Variants in RANBP2 observed in about 807,000 individuals in gnomAD.
The protein encoded by RANBP2 is E3 SUMO-protein ligase RanBP2.
Under a neutral mutation model 303.6 loss-of-function variants are expected in RANBP2, and 57 were observed. That is an observed-to-expected ratio of 0.19 (90% confidence interval 0.15 to 0.23). RANBP2 has a LOEUF of 0.23. Ranked by LOEUF, RANBP2 falls within the 10% of genes least tolerant of loss-of-function variation. The pLI is 1.00. For synonymous variants in RANBP2, 1,167 were observed against 1,301.5 expected (o/e 0.90, Z 2.23); for missense variants, 3,138 against 3,780.8 (o/e 0.83, Z 4.46).
chr2:109,609,282 T>C, the RANBP2 span, among the ~76,000 whole-genome samples: 1 of 151,986 alleles, frequency 6.6e-6, no homozygotes, highest in Admixed American at 6.6e-5. Flanking sequence ...ACTTTCCATA[T>C]AAAAAAATAA....
the RANBP2 span, among the ~76,000 whole-genome samples, chr2:109,598,288 G>A: frequency 4.6e-5 from 7 of 151,774 alleles, no homozygotes; most frequent in Non-Finnish European, 4.4e-5. Flanking sequence ...GGCTAGTCTC[G>A]AACTCCCAAC....
chr2:109,343,936 G>C, the RANBP2 span, among the ~76,000 whole-genome samples: 1 of 152,012 alleles, frequency 6.6e-6, no homozygotes, highest in Non-Finnish European at 1.5e-5. Flanking sequence ...TAGAGATAGG[G>C]TCTCAGCGTG....
At chr2:109,312,897 G>A in the RANBP2 span, among the ~76,000 whole-genome samples, 4 of 152,188 alleles carry the variant, frequency 2.6e-5, no homozygotes, top group Non-Finnish European at 5.9e-5. Flanking sequence ...GAATGGACTT[G>A]CTGGGTCACG....
the RANBP2 span, among the ~76,000 whole-genome samples, chr2:109,086,449 G>T: frequency 6.6e-6 from 1 of 152,190 alleles, no homozygotes; most frequent in South Asian, 2.1e-4. Flanking sequence ...ATTGGTGGGG[G>T]TCTCGTTTTA....
At chr2:108,733,610 A>T (rs1695348453) in intron 4 of RANBP2, among the ~76,000 whole-genome samples, 1 of 152,276 alleles carries the variant, frequency 6.6e-6, no homozygotes, top group Middle Eastern at 3.4e-3. Context: ...TTTAAATATT[A>T]ATCTAAAACG....
the RANBP2 span, chr2:109,574,623 CAG>C: frequency 1.9e-6 from 3 of 1,604,334 alleles, no homozygotes; most frequent in Non-Finnish European, 2.6e-6. Context: ...CAAGTGTCTT[CAG>C]AGAGTGGCCT....
the RANBP2 span, among the ~76,000 whole-genome samples, chr2:109,514,721 G>A: frequency 1.8e-4 from 27 of 152,184 alleles, no homozygotes; most frequent in African/African-American, 6.3e-4. Context: ...AGTCGCTGTG[G>A]GACCGATTGG....
chr2:108,889,567 T>TC, the RANBP2 span, among the ~76,000 whole-genome samples: 1 of 150,804 alleles, frequency 6.6e-6, no homozygotes, highest in Non-Finnish European at 1.5e-5. Flanking sequence ...TTTTTTTTTT[T>TC]CACTGTTTTT....
chr2:109,647,339 T>G, the RANBP2 span, among the ~76,000 whole-genome samples: 1 of 152,048 alleles, frequency 6.6e-6, no homozygotes, highest in Non-Finnish European at 1.5e-5. Flanking sequence ...AATTTTTGTA[T>G]TTTTAGTAGA....
chr2:109,395,829 A>G, the RANBP2 span, among the ~76,000 whole-genome samples: 4 of 152,132 alleles, frequency 2.6e-5, no homozygotes, highest in African/African-American at 9.7e-5. Context: ...TCAGGGCCCC[A>G]TCTCTTCTGG....
chr2:109,618,532 T>C, the RANBP2 span: 1 of 167,048 alleles, frequency 6.0e-6, no homozygotes, highest in Non-Finnish European at 1.5e-5. Flanking sequence ...GAGAACTACT[T>C]CTAGCATTCC....
the RANBP2 span, among the ~76,000 whole-genome samples, chr2:109,767,100 C>T: frequency 1.4e-5 from 2 of 143,620 alleles, no homozygotes; most frequent in South Asian, 4.9e-4. Context: ...GACTGGCCTA[C>T]CTCATAAGGT....
the RANBP2 span, among the ~76,000 whole-genome samples, chr2:109,230,203 A>G: frequency 6.6e-6 from 1 of 152,044 alleles, no homozygotes; most frequent in Non-Finnish European, 1.5e-5. Flanking sequence ...TCAAATACGG[A>G]CATTCCTCAA....
At chr2:109,353,824 G>A in the RANBP2 span, among the ~76,000 whole-genome samples, 1 of 152,318 alleles carries the variant, frequency 6.6e-6, no homozygotes, top group South Asian at 2.1e-4. Flanking sequence ...GCTGCCGGCA[G>A]TGAGAGGGTG....
At chr2:109,028,175 G>A in the RANBP2 span, among the ~76,000 whole-genome samples, 3 of 152,218 alleles carry the variant, frequency 2.0e-5, no homozygotes, top group Admixed American at 6.5e-5. Flanking sequence ...GGAGGCTGAG[G>A]TGGGTGGATC....
chr2:109,727,049 A>G, the RANBP2 span, among the ~76,000 whole-genome samples: 1 of 152,192 alleles, frequency 6.6e-6, no homozygotes, highest in African/African-American at 2.4e-5. Context: ...GTCAGGCACC[A>G]TGTACTGCCC....
the RANBP2 span, among the ~76,000 whole-genome samples, chr2:109,221,839 A>G: frequency 2.0e-5 from 3 of 151,916 alleles, no homozygotes; most frequent in East Asian, 1.9e-4. Context: ...ATATGATCCA[A>G]CAATCCCACT....
the RANBP2 span, among the ~76,000 whole-genome samples, chr2:109,526,629 A>G: frequency 1.3e-5 from 2 of 152,112 alleles, no homozygotes; most frequent in African/African-American, 2.4e-5. Flanking sequence ...TCTTTGAATG[A>G]CACCAGAAAG....
chr2:109,706,657 G>T, the RANBP2 span, among the ~76,000 whole-genome samples: 1 of 152,210 alleles, frequency 6.6e-6, no homozygotes, highest in Non-Finnish European at 1.5e-5. Flanking sequence ...GAAGACAAAG[G>T]TCATTCTTTT....
Sources: allele counts gnomAD v4.1 joint callset (sites outside exome capture counted in the v4.1 genomes callset), GRCh38; gene constraint gnomAD v4.1.1; transcripts MANE v1.5; gene names NCBI Gene and HGNC (gene_info 2026-07-23, HGNC 2026-07-21).